Variants in TBC1D9 observed in about 807,000 individuals in gnomAD.
TBC1D9 encodes TBC1 domain family member 9A.
Under a neutral mutation model 132.0 loss-of-function variants are expected in TBC1D9, and 63 were observed. The observed-to-expected ratio is 0.48, with a 90% CI of 0.39 to 0.59. The LOEUF is 0.59. TBC1D9 is among the 20% of genes least tolerant of loss of function. The pLI, the probability that TBC1D9 is intolerant of heterozygous loss-of-function variation, is 0.00. For synonymous variants in TBC1D9, 610 were observed against 609.9 expected (o/e 1.00, Z 0.00); for missense variants, 1,261 against 1,592.7 (o/e 0.79, Z 3.54).
chr4:140,666,480 C>T (rs144508962), intron 9 of TBC1D9, among the ~76,000 whole-genome samples: 122 of 152,268 alleles, frequency 8.0e-4, no homozygotes, highest in African/African-American at 2.8e-3. Flanking sequence ...GGACTACAGG[C>T]GCCCGCCACC....
rs199674129 is a variant in TBC1D9, at chr4:140,686,475, A to G, written c.242-13T>C. The G allele has an allele frequency of 1.7e-5, 25 of 1,485,690 alleles. No homozygotes were observed. The African/African-American group carries it at 2.9e-4, about 17-fold the overall frequency. The allele number at this position is 1,485,690 out of a possible 1,614,324, so 92.0% of individuals were successfully genotyped here. On this transcript the variant is annotated splice_polypyrimidine_tract_variant and intron_variant, in intron 2 of 20. Coordinates refer to ENST00000442267, the MANE Select transcript of TBC1D9 (RefSeq NM_015130.3). Reference sequence around the variant, plus strand: ...TTCCTGGAACCACCTGTACAAATGAAAATAATAATTCATGTCAGATTTCAT... The same window carrying G: ...TTCCTGGAACCACCTGTACAAATGAGAATAATAATTCATGTCAGATTTCAT...
chr4:140,710,747 T>C (rs1295309620), intron 1 of TBC1D9, among the ~76,000 whole-genome samples: 2 of 152,136 alleles, frequency 1.3e-5, no homozygotes, highest in Non-Finnish European at 2.9e-5. Context: ...GGGGGTGGTC[T>C]GAGGAAGGAA....
At chr4:140,632,463 C>G (rs1213314208) in intron 16 of TBC1D9, among the ~76,000 whole-genome samples, 1 of 152,068 alleles carries the variant, frequency 6.6e-6, no homozygotes, top group African/African-American at 2.4e-5. Flanking sequence ...AAAAAATGCC[C>G]TTTTGTTATC....
chr4:140,754,540 A>G (rs967630761), intron 1 of TBC1D9, among the ~76,000 whole-genome samples: 9 of 143,608 alleles, frequency 6.3e-5, no homozygotes, highest in African/African-American at 2.3e-4. Context: ...ACTTGAACCC[A>G]GGAGAAGGAG....
intron 18 of TBC1D9, 77 bp downstream of exon 18, chr4:140,627,364 G>T: frequency 2.3e-6 from 2 of 888,688 alleles, no homozygotes; most frequent in Non-Finnish European, 3.6e-6. Flanking sequence ...GACTAGCTTT[G>T]GAGGCAAGTC....
Position 140,621,999 on chromosome 4 carries a change from G to A in TBC1D9, c.*196C>T, listed in dbSNP as rs191630991. On this transcript the variant is annotated 3_prime_UTR_variant, in exon 21 of 21. Coordinates refer to ENST00000442267, the MANE Select transcript of TBC1D9 (RefSeq NM_015130.3). ...GGTAAATCCCCTCCCCGCAACAAGA[G>A]TGTAATGTACCTACATTGAGGTGTT... 5.9e-4 allele frequency: 405 copies of A among 685,564 alleles called. No homozygotes were observed. Among genetic ancestry groups the A allele is most frequent in the African/African-American group, 5.7e-3 (318 of 55,450 alleles). The allele number at this position is 685,564 out of a possible 1,614,324, so 42.5% of individuals were successfully genotyped here. A position where few individuals can be genotyped will look rare whatever the true frequency, so the allele number is the denominator to read the frequency against.
chr4:140,679,596 GA>G lies in TBC1D9; in HGVS notation c.589+18del. The stretch of plus-strand genomic sequence containing the variant: ...AGTAGACTTTCCAAAGTTTCCTGCT[GA>G]AATTTTAGATGACTTACCTTCCCTT... On this transcript the variant is annotated intron_variant, in intron 4 of 20. Transcript: ENST00000442267. 8 of 1,594,186 alleles carry G rather than the reference GA, an allele frequency of 5.0e-6. No homozygotes were observed. The highest frequency in any genetic ancestry group is 6.9e-6 in the Non-Finnish European group (8 of 1,164,294).
At chr4:140,642,053 G>A in intron 13 of TBC1D9, 1 of 681,288 alleles carries the variant, frequency 1.5e-6, no homozygotes. Context: ...CTGGTGGCTG[G>A]CTTAGGTTTC....
At chr4:140,628,268 G>A in intron 17 of TBC1D9, 32 bp downstream of exon 17, 3 of 1,609,206 alleles carry the variant, frequency 1.9e-6, no homozygotes, top group Non-Finnish European at 2.6e-6. Context: ...CATGGTTACA[G>A]ACACAAGTAC....
At chr4:140,725,033 A>G (rs1446284150) in intron 1 of TBC1D9, among the ~76,000 whole-genome samples, 4 of 152,228 alleles carry the variant, frequency 2.6e-5, no homozygotes, top group Non-Finnish European at 5.9e-5. Flanking sequence ...GCATATACCA[A>G]TGGCCCTACG....
chr4:140,624,887 A>G (rs1445327725), intron 18 of TBC1D9, among the ~76,000 whole-genome samples: 1 of 152,200 alleles, frequency 6.6e-6, no homozygotes, highest in Non-Finnish European at 1.5e-5. Flanking sequence ...CCCTGTTTCT[A>G]CTAAAAATAG....
chr4:140,688,558 A>G (rs755089736), intron 2 of TBC1D9, among the ~76,000 whole-genome samples: 1 of 152,062 alleles, frequency 6.6e-6, no homozygotes, highest in Non-Finnish European at 1.5e-5. Flanking sequence ...GTTCCTAGCT[A>G]TGTCAGAGGC....
intron 11 of TBC1D9, among the ~76,000 whole-genome samples, chr4:140,659,214 T>C (rs1737319258): frequency 6.6e-6 from 1 of 152,320 alleles, no homozygotes; most frequent in African/African-American, 2.4e-5. Flanking sequence ...CCACCCCAGA[T>C]AGCCTTTTTT....
In TBC1D9 at chr4:140,669,698, G is replaced by T. The variant is rs1245906278; in HGVS notation, c.1373C>A (p.Thr458Lys). 1 of 1,613,884 alleles carries T rather than the reference G, an allele frequency of 6.2e-7. No homozygotes were observed. Among genetic ancestry groups the T allele is most frequent in the African/African-American group, 1.3e-5 (1 of 74,924 alleles). ...QFNLNGNSVP[T>K]ATQTLMTMYR... ...CATGGTCATCAGGGTCTGTGTGGCTGTGGGGACGCTGTTGCCATTTAGGTT... is the reference window on the plus strand; with the variant it reads ...CATGGTCATCAGGGTCTGTGTGGCTTTGGGGACGCTGTTGCCATTTAGGTT... Residue 458 changes from threonine to lysine, a missense_variant, in exon 8 of 21, where the codon ACA (threonine) becomes AAA (lysine). By Grantham distance (78) the Thr-to-Lys change is moderately conservative (BLOSUM62 -1). Around this residue, in one of 3 missense-constraint regions of TBC1D9, gnomAD observed 550 missense variants for 699.0 expected, o/e 0.79. Transcript: ENST00000442267.
At chr4:140,680,683 C>T (rs1737689747) in intron 3 of TBC1D9, among the ~76,000 whole-genome samples, 1 of 152,136 alleles carries the variant, frequency 6.6e-6, no homozygotes. Context: ...TAGATTCGTG[C>T]TCCCACCGCA....
Position 140,693,641 on chromosome 4 carries a change from A to G in TBC1D9, c.242-7179T>C, listed in dbSNP as rs183178704. 1.4e-4 allele frequency among the ~76,000 whole-genome samples: 22 copies of G among 152,378 alleles called. No homozygotes were observed. The East Asian group carries it at 3.8e-3, about 27-fold the overall frequency. ...GGAATTATCATAAGCAGCAGAACACAAAGACCTCATCTTGAAATGTGATTC... is the reference window on the plus strand; with the variant it reads ...GGAATTATCATAAGCAGCAGAACACGAAGACCTCATCTTGAAATGTGATTC... On this transcript the variant is annotated intron_variant, in intron 2 of 20. Transcript: ENST00000442267.
At position 140,679,029 on chromosome 4, in the gene TBC1D9, T is replaced by C. The variant is rs765107446; in HGVS notation, c.764A>G (p.Gln255Arg). ...TTCAAATCCCTCATTGTCTAAGAGTTGCCTCATGGCTATGTTGGCAAGCTG... is the reference window on the plus strand; with the variant it reads ...TTCAAATCCCTCATTGTCTAAGAGTCGCCTCATGGCTATGTTGGCAAGCTG... ...MEQLANIAMRQLLDNEGFEQD... is the reference protein window; with the variant it reads ...MEQLANIAMRRLLDNEGFEQD... The change falls in exon 5 of 21, where the codon CAA (glutamine) becomes CGA (arginine). Residue 255 changes from glutamine to arginine, a missense_variant. Gln to Arg is a conservative substitution (Grantham distance 43). Transcript: ENST00000442267. 2.1e-5 allele frequency: 34 copies of C among 1,613,840 alleles called. No individual in the cohort carries two copies. Among genetic ancestry groups the C allele is most frequent in the Non-Finnish European group, 3.4e-6 (4 of 1,179,868 alleles).
At chr4:140,681,064 A>G (rs1468126121) in intron 3 of TBC1D9, among the ~76,000 whole-genome samples, 1 of 152,170 alleles carries the variant, frequency 6.6e-6, no homozygotes, top group African/African-American at 2.4e-5. Context: ...AGACCCATGT[A>G]CATTTTTGGA....
At chr4:140,628,471 A>G in intron 16 of TBC1D9, 106 bp from the exon 17 acceptor site, 2 of 1,057,372 alleles carry the variant, frequency 1.9e-6, no homozygotes, top group Non-Finnish European at 2.9e-6. Context: ...CAACCAAGAC[A>G]TTGTGTGGTG....
Sources: allele counts gnomAD v4.1 joint callset (sites outside exome capture counted in the v4.1 genomes callset), GRCh38; gene constraint gnomAD v4.1.1; regional missense constraint gnomAD v4.1.1; transcripts MANE v1.5; gene names NCBI Gene and HGNC (gene_info 2026-07-23, HGNC 2026-07-21).